Variants in LRTM3 observed in about 807,000 individuals in gnomAD.
LRTM3 encodes leucine rich repeat transmembrane protein 3.
chr13:102,734,614 C>CT, the LRTM3 span: 1 of 1,550,868 alleles, frequency 6.4e-7, no homozygotes, highest in East Asian at 2.4e-5. Flanking sequence ...GGATATGTTG[C>CT]TTTTCATTTT....
chr13:102,731,409 T>G, the LRTM3 span: 1 of 1,551,480 alleles, frequency 6.4e-7, no homozygotes, highest in Non-Finnish European at 8.7e-7. Context: ...GGTATCAGAT[T>G]CAGTTGTATT....
the LRTM3 span, chr13:102,747,923 C>T: frequency 1.3e-6 from 2 of 1,551,194 alleles, no homozygotes; most frequent in African/African-American, 1.4e-5. Context: ...TATGCTGAAC[C>T]TGAAGCCTTG....
the LRTM3 span, chr13:102,739,220 C>G: frequency 6.5e-7 from 1 of 1,550,308 alleles, no homozygotes; most frequent in Non-Finnish European, 8.7e-7. Context: ...TGGTTCTTTT[C>G]CATGCAGTAA....
the LRTM3 span, chr13:102,731,833 CTT>C: frequency 1.3e-6 from 2 of 1,549,556 alleles, no homozygotes; most frequent in Non-Finnish European, 1.7e-6. Context: ...GCTTGGGTAA[CTT>C]TGGATCTTCA....
chr13:102,755,962 T>TATATATATACATATATATATATA, the LRTM3 span, among the ~76,000 whole-genome samples: 1 of 56,650 alleles, frequency 1.8e-5, no homozygotes, highest in African/African-American at 6.1e-5. Flanking sequence ...TATATATATA[T>TATATATATACATATATATATATA]TTTTTTTTTT....
the LRTM3 span, chr13:102,735,966 G>T: frequency 3.9e-6 from 6 of 1,549,348 alleles, no homozygotes; most frequent in South Asian, 1.2e-5. Flanking sequence ...TTGCATAGAA[G>T]TGCAAGTGGG....
the LRTM3 span, chr13:102,739,891 C>T: frequency 1.3e-6 from 2 of 1,550,240 alleles, no homozygotes; most frequent in Non-Finnish European, 1.7e-6. Context: ...TCATGTTCCA[C>T]TGCATTTCTA....
At chr13:102,732,220 A>C in the LRTM3 span, 2 of 1,551,244 alleles carry the variant, frequency 1.3e-6, no homozygotes, top group Admixed American at 2.0e-5. Flanking sequence ...GGTTTGTCTT[A>C]GGGTCAGTGT....
chr13:102,742,457 G>C, the LRTM3 span: 44 of 1,548,552 alleles, frequency 2.8e-5, no homozygotes, highest in Non-Finnish European at 2.8e-5. Flanking sequence ...ATCTGCCCTT[G>C]TTTTCCAGTC....
chr13:102,742,733 AT>A, the LRTM3 span: 5 of 1,550,566 alleles, frequency 3.2e-6, no homozygotes, highest in African/African-American at 5.5e-5. Context: ...CCTGTCAGCC[AT>A]TTTAAGTCTG....
the LRTM3 span, chr13:102,748,086 T>A: frequency 6.4e-7 from 1 of 1,551,194 alleles, no homozygotes; most frequent in South Asian, 1.2e-5. Context: ...CTGAGCCTTA[T>A]TATTCTTAAT....
chr13:102,746,774 C>T, the LRTM3 span: 1 of 1,551,238 alleles, frequency 6.4e-7, no homozygotes, highest in Admixed American at 2.0e-5. Flanking sequence ...TCTTGTATCA[C>T]TTCCATTACT....
the LRTM3 span, chr13:102,730,063 C>A: frequency 1.9e-6 from 3 of 1,551,284 alleles, no homozygotes; most frequent in Non-Finnish European, 2.6e-6. Flanking sequence ...TATGACACAA[C>A]CAGTCAGGAG....
chr13:102,734,404 A>T, the LRTM3 span: 1 of 1,551,404 alleles, frequency 6.4e-7, no homozygotes. Flanking sequence ...AAGGTTTGGA[A>T]AAGAGTATGC....
the LRTM3 span, chr13:102,730,676 T>C: frequency 6.4e-7 from 1 of 1,552,004 alleles, no homozygotes; most frequent in African/African-American, 1.4e-5. Flanking sequence ...AGAAATATGT[T>C]GTTCTAACAG....
chr13:102,747,894 T>C, the LRTM3 span: 1 of 1,551,264 alleles, frequency 6.4e-7, no homozygotes, highest in Non-Finnish European at 8.7e-7. Context: ...TTGACATACT[T>C]GGGCTTTTGC....
the LRTM3 span, chr13:102,742,369 G>A: frequency 6.5e-7 from 1 of 1,546,604 alleles, no homozygotes; most frequent in Non-Finnish European, 8.7e-7. Context: ...AAATAGATGT[G>A]TAGGGATTAG....
the LRTM3 span, chr13:102,748,666 T>G: frequency 1.9e-6 from 3 of 1,550,294 alleles, no homozygotes; most frequent in Admixed American, 5.9e-5. Flanking sequence ...GATCAAATGG[T>G]TTTTTACTAT....
At chr13:102,754,223 A>C in the LRTM3 span, among the ~76,000 whole-genome samples, 3 of 151,826 alleles carry the variant, frequency 2.0e-5, no homozygotes, top group Non-Finnish European at 4.4e-5. Context: ...AAAAAAAAAA[A>C]AAAACCCTGA....
Sources: allele counts gnomAD v4.1 joint callset (sites outside exome capture counted in the v4.1 genomes callset), GRCh38; gene constraint gnomAD v4.1.1; transcripts MANE v1.5; gene names NCBI Gene and HGNC (gene_info 2026-07-23, HGNC 2026-07-21).